Variants in GSE1 observed in about 807,000 individuals in gnomAD.
GSE1 encodes Gse1 coiled-coil protein.
A neutral mutation model predicts 112.6 loss-of-function variants in GSE1; 32 were observed. The observed-to-expected ratio is 0.28, with a 90% CI of 0.21 to 0.38. The LOEUF (loss-of-function observed/expected upper bound fraction) is 0.38, where lower values mean the gene tolerates loss of function less well. Among genes scored for constraint, GSE1 ranks in the 10% least tolerant of loss-of-function variants. The probability of loss-of-function intolerance (pLI) is 1.00; values close to 1 mark genes in which losing one functional copy is unlikely to be tolerated. For synonymous variants in GSE1, 1,115 were observed against 735.6 expected (o/e 1.52, Z -8.35); for missense variants, 2,348 against 1,699.2 (o/e 1.38, Z -6.71).
At chr16:85,356,345 C>T (rs550047141) in intron 1 of GSE1, among the ~76,000 whole-genome samples, 18 of 152,262 alleles carry the variant, frequency 1.2e-4, no homozygotes, top group Non-Finnish European at 1.8e-4. Context: ...CCTTGCAGTC[C>T]TGGCCCTCGC....
upstream of GSE1, among the ~76,000 whole-genome samples, chr16:85,612,831 C>T (rs1314580824): frequency 1.3e-5 from 2 of 152,224 alleles, no homozygotes; most frequent in Admixed American, 6.5e-5. Context: ...CATTATTGGG[C>T]CTGCTCTGTG....
chr16:85,448,848 C>G (rs897097062), intron 2 of GSE1, among the ~76,000 whole-genome samples: 3 of 152,216 alleles, frequency 2.0e-5, no homozygotes, highest in African/African-American at 7.2e-5. Context: ...CTCCCAGGGC[C>G]TCCTGGAGAA....
chr16:85,570,099 G>A (rs55706221), intron 1 of GSE1, among the ~76,000 whole-genome samples: 4 of 152,026 alleles, frequency 2.6e-5, no homozygotes, highest in African/African-American at 4.8e-5. Flanking sequence ...AGAAGCAGCC[G>A]TCGGGCTAGC....
chr16:85,358,036 G>A (rs189920317), intron 2 of GSE1, among the ~76,000 whole-genome samples: 290 of 151,546 alleles, frequency 1.9e-3, no homozygotes, highest in Middle Eastern at 3.4e-3. Flanking sequence ...CCAGGTGCAC[G>A]TGTGCGCTTC....
chr16:85,532,193 T>C (rs1236082449), intron 2 of GSE1, among the ~76,000 whole-genome samples: 3 of 152,174 alleles, frequency 2.0e-5, no homozygotes, highest in Non-Finnish European at 4.4e-5. Flanking sequence ...TCCACATTTT[T>C]ATATGGGGAA....
At position 85,606,169 on chromosome 16, in the gene GSE1, T is replaced by C. The variant is rs112857711; in HGVS notation, c.38-42383T>C. On this transcript the variant is annotated intron_variant, in intron 1 of 2. Coordinates refer to the GSE1 transcript ENST00000635906. ...ACGGGGTTCTCAGCGCCCTGGGATT[T>C]TATAAAAGCCTGCTAAAATCAGACC... 1.0e-3 allele frequency among the ~76,000 whole-genome samples: 157 copies of C among 152,266 alleles called. 3 individuals carry two copies. Among genetic ancestry groups the C allele is most frequent in the African/African-American group, 3.5e-3 (146 of 41,552 alleles).
chr16:85,669,977 C>T (rs2053197280), intron 14 of GSE1, among the ~76,000 whole-genome samples: 1 of 152,260 alleles, frequency 6.6e-6, no homozygotes, highest in Non-Finnish European at 1.5e-5. Flanking sequence ...GACTTTTCCC[C>T]TAAGGATTTT....
At chr16:85,200,144 T>C (rs1450904285) in intron 1 of GSE1, among the ~76,000 whole-genome samples, 2 of 152,162 alleles carry the variant, frequency 1.3e-5, no homozygotes, top group Non-Finnish European at 2.9e-5. Context: ...TGTCACTCTT[T>C]CCTCCCACCT....
chr16:85,516,922 C>T lies in GSE1; in HGVS notation c.2465-116992C>T, dbSNP rs532924118. Among the ~76,000 whole-genome samples the T allele has an allele frequency of 6.2e-3, 949 of 152,108 alleles. 7 individuals carry two copies. The highest frequency in any genetic ancestry group is 0.011 in the Non-Finnish European group (758 of 67,952). Reference sequence around the variant, plus strand: ...ACGCCATTCTCCTGCCTCAGCCTCCCGAGTAGCTGGGACTACAGGCGCCTG... The same window carrying T: ...ACGCCATTCTCCTGCCTCAGCCTCCTGAGTAGCTGGGACTACAGGCGCCTG... On this transcript the variant is annotated intron_variant, in intron 2 of 2. Coordinates refer to the GSE1 transcript ENST00000637419.
chr16:85,560,072 T>C (rs2045437968), intron 1 of GSE1, among the ~76,000 whole-genome samples: 1 of 152,058 alleles, frequency 6.6e-6, no homozygotes, highest in South Asian at 2.1e-4. Flanking sequence ...CGGTCATTAT[T>C]GTTATTGAGG....
intron 2 of GSE1, among the ~76,000 whole-genome samples, chr16:85,383,538 T>C (rs4783190): frequency 0.026 from 133 of 5,052 alleles, 2 homozygotes; most frequent in South Asian, 0.048. Flanking sequence ...TCTCTCTCTC[T>C]CTCTCTCTCT....
chr16:85,395,246 A>G (rs1452277892), intron 2 of GSE1, among the ~76,000 whole-genome samples: 1 of 152,144 alleles, frequency 6.6e-6, no homozygotes, highest in Non-Finnish European at 1.5e-5. Flanking sequence ...GGTAAAATCT[A>G]TACGAGGCCC....
At chr16:85,602,072 C>A (rs2047490344) in intron 1 of GSE1, among the ~76,000 whole-genome samples, 1 of 152,142 alleles carries the variant, frequency 6.6e-6, no homozygotes, top group Admixed American at 6.5e-5. Flanking sequence ...TGGTTCAGAT[C>A]CCAGCCCCAC....
At chr16:85,448,637 C>T (rs948534595) in intron 2 of GSE1, among the ~76,000 whole-genome samples, 8 of 152,332 alleles carry the variant, frequency 5.3e-5, no homozygotes, top group African/African-American at 9.6e-5. Flanking sequence ...GCTTATCTGG[C>T]GCCTCTTCCT....
intron 1 of GSE1, among the ~76,000 whole-genome samples, chr16:85,353,478 G>T (rs553935289): frequency 2.5e-3 from 111 of 44,652 alleles, no homozygotes; most frequent in African/African-American, 0.011. Context: ...AAAGCACAGG[G>T]TTTTCACATT....
At chr16:85,434,902 G>A (rs1050116304) in intron 2 of GSE1, among the ~76,000 whole-genome samples, 2 of 152,252 alleles carry the variant, frequency 1.3e-5, no homozygotes, top group Admixed American at 1.3e-4. Context: ...CCGTCCTACT[G>A]GGGTGGGCCC....
chr16:85,504,222 G>A (rs1043366790), intron 2 of GSE1, among the ~76,000 whole-genome samples: 3 of 152,206 alleles, frequency 2.0e-5, no homozygotes, highest in Non-Finnish European at 2.9e-5. Context: ...GGTGTGGACC[G>A]TCCCTGAGGG....
chr16:85,217,056 G>A lies in GSE1; in HGVS notation c.2283+45249G>A, dbSNP rs80244222. On this transcript the variant is annotated intron_variant, in intron 1 of 2. Transcript: ENST00000637419. The stretch of plus-strand genomic sequence containing the variant: ...CGAGTGGCTTGGATTTGGGGCCTTG[G>A]CTGCGCCAGGTAATCCTGAGATAAC... 4.1e-3 allele frequency among the ~76,000 whole-genome samples: 623 copies of A among 152,332 alleles called. 9 individuals carry two copies. The highest frequency in any genetic ancestry group is 7.4e-3 in the Non-Finnish European group (501 of 68,036).
chr16:85,410,462 C>T (rs1195551142), intron 2 of GSE1, among the ~76,000 whole-genome samples: 2 of 11,734 alleles, frequency 1.7e-4, no homozygotes, highest in Non-Finnish European at 3.6e-4. Context: ...ACACTCAGGG[C>T]CCCCCTGGAT....
Sources: allele counts gnomAD v4.1 joint callset (sites outside exome capture counted in the v4.1 genomes callset), GRCh38; gene constraint gnomAD v4.1.1; transcripts MANE v1.5; gene names NCBI Gene and HGNC (gene_info 2026-07-23, HGNC 2026-07-21).